STX18: variants seen among roughly 807,000 people sequenced by gnomAD.
STX18 encodes syntaxin 18.
STX18 carries 40 observed loss-of-function variants against 50.1 expected under a neutral mutation model. The observed-to-expected ratio is 0.80, with a 90% CI of 0.62 to 1.04. STX18 has a LOEUF of 1.04. Ranked by LOEUF, STX18 falls within the 50% of genes least tolerant of loss-of-function variation. The pLI is 0.00. For synonymous variants in STX18, 158 were observed against 151.8 expected (o/e 1.04, Z -0.30); for missense variants, 410 against 415.8 (o/e 0.99, Z 0.12).
chr4:4,510,133 A>G (rs1326587280), intron 1 of STX18, among the ~76,000 whole-genome samples: 1 of 152,208 alleles, frequency 6.6e-6, no homozygotes, highest in Non-Finnish European at 1.5e-5. Flanking sequence ...TTTTATGAGC[A>G]TTTTATAATG....
In STX18 at chr4:4,542,022, C is replaced by G. The variant is rs1028396446; in HGVS notation, c.-58G>C. 4.7e-6 allele frequency: 7 copies of G among 1,481,608 alleles called. No individual in the cohort carries two copies. The highest frequency in any genetic ancestry group is 4.9e-4 in the Middle Eastern group (2 of 4,044). 91.8% of individuals were successfully genotyped at this position (1,481,608 alleles called of 1,614,324 possible). A position where few individuals can be genotyped will look rare whatever the true frequency, so the allele number is the denominator to read the frequency against. ...CGCCCACGTAAGCAGCCGGCGACCG[C>G]GGCGCGAACCCGGCCGCTGAAGGAC... On this transcript the variant is annotated 5_prime_UTR_variant, in exon 1 of 11. Transcript: ENST00000306200.
At chr4:4,451,198 T>G (rs1312339950) in intron 5 of STX18, among the ~76,000 whole-genome samples, 1 of 152,226 alleles carries the variant, frequency 6.6e-6, no homozygotes, top group Admixed American at 6.5e-5. Flanking sequence ...AGTTTCTACC[T>G]GGCCAGCATC....
chr4:4,513,420 T>G (rs570066911), intron 1 of STX18, among the ~76,000 whole-genome samples: 18 of 152,214 alleles, frequency 1.2e-4, no homozygotes, highest in African/African-American at 4.3e-4. Flanking sequence ...AACCAAAGGA[T>G]AGAGAAACAG....
intron 5 of STX18, among the ~76,000 whole-genome samples, chr4:4,444,601 A>C (rs1252169567): frequency 6.6e-6 from 1 of 152,156 alleles, no homozygotes; most frequent in Non-Finnish European, 1.5e-5. Context: ...TCTCTCCTGG[A>C]GTTTGCCCTA....
upstream of STX18, chr4:4,542,074 G>C (rs1434007740): frequency 5.5e-6 from 7 of 1,263,290 alleles, no homozygotes; most frequent in Admixed American, 3.9e-5. Context: ...GCCTCCCCCC[G>C]GCAACGGCGA....
At chr4:4,538,376 G>A (rs1039646897) in intron 1 of STX18, among the ~76,000 whole-genome samples, 3 of 152,128 alleles carry the variant, frequency 2.0e-5, no homozygotes, top group African/African-American at 7.2e-5. Flanking sequence ...GCAAAGAAAT[G>A]TTACCATCTT....
In STX18 at chr4:4,425,556, CATT is replaced by C. The variant is rs746143695; in HGVS notation, c.703-337_703-335del. The C allele has an allele frequency of 1.3e-4, 52 of 396,110 alleles. 2 individuals are homozygous for C. Among genetic ancestry groups the C allele is most frequent in the South Asian group, 6.7e-4 (15 of 22,250 alleles). The allele number at this position is 396,110 out of a possible 1,614,324, so 24.5% of individuals were successfully genotyped here. ...ACGGCCTGCTTCCTGACTCTAGTAC[CATT>C]ATTAAGAAAATTCTTTTGTTGTTGT... On this transcript the variant is annotated intron_variant, in intron 7 of 10. Coordinates refer to ENST00000306200, the MANE Select transcript of STX18 (RefSeq NM_016930.4).
chr4:4,504,528 G>A (rs1729605524), intron 1 of STX18, among the ~76,000 whole-genome samples: 1 of 152,196 alleles, frequency 6.6e-6, no homozygotes, highest in South Asian at 2.1e-4. Flanking sequence ...GAAAAGTGAA[G>A]TTAAATGGGA....
intron 5 of STX18, among the ~76,000 whole-genome samples, chr4:4,447,668 T>G (rs533842297): frequency 2.2e-4 from 32 of 145,376 alleles, no homozygotes; most frequent in Non-Finnish European, 4.0e-4. Flanking sequence ...TTAGAGTTAC[T>G]GCTTTATATG....
rs369497614 is a variant in STX18 at position 4,432,855 on chromosome 4, T to A, written c.702+1915A>T. Among the ~76,000 whole-genome samples, 15 of 152,378 alleles carry A rather than the reference T, an allele frequency of 9.8e-5. No homozygotes were observed. In the East Asian group the frequency reaches 1.7e-3, roughly 18 times the overall value. On this transcript the variant is annotated intron_variant, in intron 7 of 10. Transcript: ENST00000306200. ...GGATGCTGAGCCAGTCCTCTGCCCTTGGCGGCCAATGCTCACGAGAGCAGA... is the reference window on the plus strand; with the variant it reads ...GGATGCTGAGCCAGTCCTCTGCCCTAGGCGGCCAATGCTCACGAGAGCAGA...
chr4:4,541,653 G>C, intron 1 of STX18, 144 bp downstream of exon 1: 2 of 811,636 alleles, frequency 2.5e-6, no homozygotes. Context: ...AAAGCTGTAG[G>C]GTCTCTGAGG....
chr4:4,495,032 T>C (rs1439112988), intron 1 of STX18, among the ~76,000 whole-genome samples: 2 of 152,206 alleles, frequency 1.3e-5, no homozygotes, highest in African/African-American at 4.8e-5. Context: ...ACCACTGATG[T>C]AGGAGCCAGA....
chr4:4,423,731 T>C, intron 8 of STX18, 144 bp from the exon 9 acceptor site: 1 of 789,590 alleles, frequency 1.3e-6, no homozygotes, highest in East Asian at 2.7e-5. Flanking sequence ...GAAGAGGAGA[T>C]GGGAGAGGAA....
At chr4:4,489,220 T>C (rs1728829108) in intron 1 of STX18, among the ~76,000 whole-genome samples, 1 of 151,974 alleles carries the variant, frequency 6.6e-6, no homozygotes, top group Non-Finnish European at 1.5e-5. Flanking sequence ...TGACCAATAA[T>C]ACAAATGTCC....
intron 6 of STX18, among the ~76,000 whole-genome samples, chr4:4,438,090 T>TCTCCTGAGGCCGGCACACAGGG (rs1725885443): frequency 6.6e-6 from 1 of 152,110 alleles, no homozygotes; most frequent in South Asian, 2.1e-4. Context: ...CAATGCTGCC[T>TCTCCTGAGGCCGGCACACAGGG]CTCCTGAGGC....
Position 4,521,262 on chromosome 4 carries a change from G to A in STX18, c.168+20535C>T, listed in dbSNP as rs148666257. Among the ~76,000 whole-genome samples, 25 of 152,314 alleles carry A rather than the reference G, an allele frequency of 1.6e-4. 1 individual carries two copies. In the East Asian group the frequency reaches 4.4e-3, roughly 27 times the overall value. On this transcript the variant is annotated intron_variant, in intron 1 of 10. Transcript: ENST00000306200. ...CACAGCATGGGGTACAGGCCGATCT[G>A]CATGGCTGGCTATACAGACGTATTA...
intron 1 of STX18, among the ~76,000 whole-genome samples, chr4:4,529,636 G>A (rs1672158268): frequency 6.6e-6 from 1 of 152,230 alleles, no homozygotes; most frequent in Non-Finnish European, 1.5e-5. Flanking sequence ...TGGGGAGGCA[G>A]CAGGCAACCG....
At chr4:4,432,192 G>C (rs1466844221) in intron 7 of STX18, among the ~76,000 whole-genome samples, 2 of 152,208 alleles carry the variant, frequency 1.3e-5, no homozygotes, top group African/African-American at 4.8e-5. Flanking sequence ...TCTCAGGAAA[G>C]TCAGGGCTAA....
intron 1 of STX18, among the ~76,000 whole-genome samples, chr4:4,503,270 A>G (rs1729540262): frequency 6.6e-6 from 1 of 152,220 alleles, no homozygotes; most frequent in Non-Finnish European, 1.5e-5. Flanking sequence ...AATGAAATTG[A>G]TATTAAACCT....
Sources: allele counts gnomAD v4.1 joint callset (sites outside exome capture counted in the v4.1 genomes callset), GRCh38; gene constraint gnomAD v4.1.1; transcripts MANE v1.5; gene names NCBI Gene and HGNC (gene_info 2026-07-23, HGNC 2026-07-21).